FANCB: variants seen among roughly 807,000 people sequenced by gnomAD.
FANCB encodes the protein FA complementation group B.
Under a neutral mutation model 38.9 loss-of-function variants are expected in FANCB, and 5 were observed. The observed-to-expected ratio is 0.13, with a 90% CI of 0.07 to 0.27. The LOEUF is 0.27. Ranked by LOEUF, FANCB falls within the 10% of genes least tolerant of loss-of-function variation. FANCB has a pLI of 1.00. For synonymous variants in FANCB, 236 were observed against 215.4 expected (o/e 1.10, Z -0.84); for missense variants, 573 against 602.7 (o/e 0.95, Z 0.52).
At chrX:14,798,395 A>C in the FANCB span, among the ~76,000 whole-genome samples, 1 of 111,125 alleles carries the variant, frequency 9.0e-6, no homozygotes, top group East Asian at 2.8e-4. Context: ...ATCTCCTGAC[A>C]TCGTGATCCA....
the FANCB span, among the ~76,000 whole-genome samples, chrX:14,737,118 C>T: frequency 9.0e-6 from 1 of 111,617 alleles, no homozygotes; most frequent in African/African-American, 3.3e-5. Flanking sequence ...GATCTTACCA[C>T]TGCACTCCAG....
At chrX:14,803,501 T>C in the FANCB span, among the ~76,000 whole-genome samples, 1 of 112,441 alleles carries the variant, frequency 8.9e-6, no homozygotes, top group African/African-American at 3.2e-5. Flanking sequence ...TAATCTATTA[T>C]CTTAAAAAAA....
chrX:14,750,614 C>T, the FANCB span, among the ~76,000 whole-genome samples: 1 of 111,027 alleles, frequency 9.0e-6, no homozygotes, highest in East Asian at 2.8e-4. Context: ...AACAACTCAA[C>T]ACTATGAAAG....
the FANCB span, among the ~76,000 whole-genome samples, chrX:14,778,185 G>A: frequency 8.9e-6 from 1 of 112,047 alleles, no homozygotes; most frequent in African/African-American, 3.2e-5. Flanking sequence ...AATAAACTCT[G>A]CACAGCTCCT....
the FANCB span, among the ~76,000 whole-genome samples, chrX:14,738,509 T>C: frequency 1.7e-4 from 19 of 112,141 alleles, no homozygotes; most frequent in East Asian, 2.0e-3. Context: ...TAGAAAAACA[T>C]TGGTGAAGGA....
chrX:14,835,987 G>A (rs1351015416), exon 11 of FANCB: 1 of 112,232 alleles, frequency 8.9e-6, no homozygotes, highest in Non-Finnish European at 1.9e-5. Flanking sequence ...GTTTATTGCA[G>A]TATTATTCAC....
At chrX:14,828,185 C>T in the FANCB span, among the ~76,000 whole-genome samples, 2 of 111,704 alleles carry the variant, frequency 1.8e-5, no homozygotes, top group Non-Finnish European at 3.8e-5. Context: ...AGGATCTTTC[C>T]GTGATGTTGA....
the FANCB span, among the ~76,000 whole-genome samples, chrX:14,769,673 T>C: frequency 8.9e-6 from 1 of 111,853 alleles, no homozygotes; most frequent in African/African-American, 3.3e-5. Flanking sequence ...AGCTCTAATC[T>C]TGGTTATTCC....
chrX:14,743,516 C>T, the FANCB span, among the ~76,000 whole-genome samples: 4 of 110,422 alleles, frequency 3.6e-5, no homozygotes, highest in East Asian at 2.8e-4. Context: ...TATTACCCTC[C>T]CCTCTTCATC....
chrX:14,841,746 C>T (rs1412500983), downstream of FANCB, among the ~76,000 whole-genome samples: 4 of 111,522 alleles, frequency 3.6e-5, no homozygotes, highest in Non-Finnish European at 7.5e-5. Context: ...GATGCAAAGA[C>T]ACAACTGAAT....
chrX:14,722,542 C>T, the FANCB span, among the ~76,000 whole-genome samples: 1 of 111,477 alleles, frequency 9.0e-6, no homozygotes, highest in South Asian at 3.8e-4. Flanking sequence ...ATACAGACCC[C>T]ATGTCTCAAT....
downstream of FANCB, chrX:14,834,997 C>G (rs745862937): frequency 2.9e-4 from 181 of 625,961 alleles, 1 homozygote; most frequent in East Asian, 5.4e-3. Context: ...CTAATATGCA[C>G]TGGCCCTGAA....
At chrX:14,819,366 G>GA in the FANCB span, among the ~76,000 whole-genome samples, 1,190 of 108,694 alleles carry the variant, frequency 0.011, 13 homozygotes, top group African/African-American at 0.037. Flanking sequence ...GCAGAACTGA[G>GA]AAAAAAAAAC....
the FANCB span, among the ~76,000 whole-genome samples, chrX:14,783,085 C>T: frequency 2.7e-5 from 3 of 111,881 alleles, no homozygotes; most frequent in East Asian, 8.4e-4. Flanking sequence ...GCCTGGAGAA[C>T]AAAAACCTCA....
the FANCB span, among the ~76,000 whole-genome samples, chrX:14,811,618 T>C: frequency 8.9e-6 from 1 of 112,032 alleles, no homozygotes; most frequent in Admixed American, 9.4e-5. Context: ...AAGAGCTGAC[T>C]ATCCTAAATA....
chrX:14,706,256 G>A, the FANCB span, among the ~76,000 whole-genome samples: 5 of 111,408 alleles, frequency 4.5e-5, no homozygotes, highest in African/African-American at 1.6e-4. Context: ...TACCCCAGAC[G>A]TGTGGAATCA....
the FANCB span, among the ~76,000 whole-genome samples, chrX:14,728,527 A>G: frequency 8.9e-6 from 1 of 112,188 alleles, no homozygotes; most frequent in Non-Finnish European, 1.9e-5. Flanking sequence ...TCAAATTTAC[A>G]TGGCGAAGGA....
downstream of FANCB, chrX:14,834,956 A>G (rs776692573): frequency 6.1e-6 from 5 of 813,554 alleles, no homozygotes; most frequent in East Asian, 3.2e-5. Flanking sequence ...CTGACTCTGC[A>G]TCTTCCTCCA....
At chrX:14,784,932 C>T in the FANCB span, among the ~76,000 whole-genome samples, 1 of 111,981 alleles carries the variant, frequency 8.9e-6, no homozygotes, top group African/African-American at 3.2e-5. Flanking sequence ...CCAAACAGCG[C>T]ATGTTCTCAC....
Sources: allele counts gnomAD v4.1 joint callset (sites outside exome capture counted in the v4.1 genomes callset), GRCh38; gene constraint gnomAD v4.1.1; transcripts MANE v1.5; gene names NCBI Gene and HGNC (gene_info 2026-07-23, HGNC 2026-07-21).